Variants in GLIPR1L1 observed in about 807,000 individuals in gnomAD.
The protein encoded by GLIPR1L1 is GLIPR1 like 1.
A neutral mutation model predicts 29.9 loss-of-function variants in GLIPR1L1; 26 were observed. The ratio of observed to expected loss-of-function variants is 0.87; its 90% CI spans 0.64 to 1.21. The LOEUF is 1.21. Ranked by LOEUF, GLIPR1L1 falls within the 50% of genes most tolerant of loss-of-function variation. The pLI is 0.00. For missense variants in GLIPR1L1, 305 were observed against 290.3 expected, an observed-to-expected ratio of 1.05 and a Z score of -0.37; for synonymous variants, 77 against 97.5, an observed-to-expected ratio of 0.79 and a Z score of 1.24.
At chr12:75,357,431 T>C (rs2043224601) in intron 3 of GLIPR1L1, among the ~76,000 whole-genome samples, 1 of 152,148 alleles carries the variant, frequency 6.6e-6, no homozygotes, top group Non-Finnish European at 1.5e-5. Flanking sequence ...GTATTTCAAT[T>C]ATCCCATTTG....
intron 3 of GLIPR1L1, among the ~76,000 whole-genome samples, chr12:75,354,166 A>AGGGC (rs2042992866): frequency 8.1e-6 from 1 of 122,834 alleles, no homozygotes; most frequent in African/African-American, 3.3e-5. Flanking sequence ...GAGAAAAAAA[A>AGGGC]GGGGGGGGGG....
chr12:75,334,906 A>G lies in GLIPR1L1; in HGVS notation c.174+4A>G, dbSNP rs1361969824. 1.9e-6 allele frequency: 3 copies of G among 1,612,814 alleles called. No individual in the cohort carries two copies. Among genetic ancestry groups the G allele is most frequent in the Admixed American group, 3.3e-5 (2 of 59,984 alleles). On this transcript the variant is annotated splice_donor_region_variant and intron_variant, in intron 1 of 5. Transcript: ENST00000378695. ...CGCGGCCGACATGAAATACATGGTG[A>G]GAAAGAACCAGGGCTGGGCTCTTAA... is the stretch of plus-strand genomic sequence containing the variant.
At chr12:75,356,504 T>C (rs1378663871) in intron 3 of GLIPR1L1, among the ~76,000 whole-genome samples, 1 of 152,162 alleles carries the variant, frequency 6.6e-6, no homozygotes, top group Non-Finnish European at 1.5e-5. Flanking sequence ...AGATGCACAC[T>C]ATAAATTCTA....
At chr12:75,368,382 T>C (rs2044131331) in intron 4 of GLIPR1L1, among the ~76,000 whole-genome samples, 1 of 151,914 alleles carries the variant, frequency 6.6e-6, no homozygotes, top group African/African-American at 2.4e-5. Flanking sequence ...CTGCATCTCT[T>C]GAACTAATGC....
rs550510080 is a variant in GLIPR1L1 at position 75,358,520 on chromosome 12, T to A, written c.522-4582T>A. Among the ~76,000 whole-genome samples, 43 of 151,070 alleles carry A rather than the reference T, an allele frequency of 2.8e-4. 1 individual carries two copies. Among genetic ancestry groups the A allele is most frequent in the Non-Finnish European group, 5.9e-4 (40 of 67,612 alleles). ...AACATTCATTCCTGATGAAGGCTCC[T>A]AACAAGCTAAAAATAGAAGGGAATG... On this transcript the variant is annotated intron_variant, in intron 3 of 5. Coordinates refer to ENST00000378695, the MANE Select transcript of GLIPR1L1 (RefSeq NM_001304964.2).
chr12:75,370,114 G>A lies in GLIPR1L1; in HGVS notation c.667G>A (p.Ala223Thr). 6.2e-7 allele frequency: 1 copy of A among 1,607,138 alleles called. No homozygotes were observed. The highest frequency in any genetic ancestry group is 8.5e-7 in the Non-Finnish European group (1 of 1,175,804). ...TCCATTTCTGAAGCCAACGGGGAGA[G>A]CACCTCAGCAGACAGCCTTTAATCC... ...QNPFLKPTGR[A>T]PQQTAFNPFS... Residue 223 changes from alanine (A) to threonine (T), a missense_variant, in exon 6 of 6, where the codon GCA (alanine) becomes ACA (threonine). By Grantham distance (58) the Ala-to-Thr change is moderately conservative. Transcript: ENST00000378695.
intron 2 of GLIPR1L1, 117 bp downstream of exon 2, chr12:75,344,055 T>G (rs2042292525): frequency 1.3e-6 from 1 of 796,046 alleles, no homozygotes; most frequent in Admixed American, 3.0e-5. Context: ...CATTTTTTCC[T>G]TTATCATAGG....
chr12:75,335,986 T>C (rs993400762), intron 1 of GLIPR1L1, among the ~76,000 whole-genome samples: 2 of 151,976 alleles, frequency 1.3e-5, no homozygotes, highest in African/African-American at 4.8e-5. Context: ...TTTGTACTCA[T>C]TGACTATTTA....
intron 4 of GLIPR1L1, 52 bp from the exon 5 acceptor site, chr12:75,369,908 T>C: frequency 4.7e-6 from 6 of 1,280,386 alleles, no homozygotes; most frequent in South Asian, 1.7e-5. Context: ...CAAAGAAATA[T>C]GTTTTCTTGT....
Position 75,334,918 on chromosome 12 carries a change from G to C in GLIPR1L1, c.174+16G>C, listed in dbSNP as rs769827041. 5.3e-5 allele frequency: 86 copies of C among 1,609,786 alleles called. 1 individual carries two copies. The South Asian group carries it at 6.5e-4, about 12-fold the overall frequency. Reference sequence around the variant, plus strand: ...GAAATACATGGTGAGAAAGAACCAGGGCTGGGCTCTTAAATCCCTGACTCA... The same window carrying C: ...GAAATACATGGTGAGAAAGAACCAGCGCTGGGCTCTTAAATCCCTGACTCA... On this transcript the variant is annotated intron_variant, in intron 1 of 5. Coordinates refer to ENST00000378695, the MANE Select transcript of GLIPR1L1 (RefSeq NM_001304964.2).
intron 3 of GLIPR1L1, among the ~76,000 whole-genome samples, chr12:75,353,495 A>T (rs1037623453): frequency 2.0e-5 from 3 of 152,236 alleles, no homozygotes; most frequent in Admixed American, 6.5e-5. Context: ...AAATTGAGGC[A>T]GTAATGAACA....
intron 1 of GLIPR1L1, among the ~76,000 whole-genome samples, chr12:75,343,176 G>T (rs1164131872): frequency 6.6e-6 from 1 of 151,902 alleles, no homozygotes; most frequent in Non-Finnish European, 1.5e-5. Context: ...ATAATGAATA[G>T]AAATAACAAG....
intron 1 of GLIPR1L1, among the ~76,000 whole-genome samples, chr12:75,341,597 C>T (rs1221220589): frequency 6.6e-6 from 1 of 151,892 alleles, no homozygotes; most frequent in South Asian, 2.1e-4. Flanking sequence ...CAGGCGCCCG[C>T]CACCACGCCC....
At chr12:75,354,386 C>T (rs1038521352) in intron 3 of GLIPR1L1, among the ~76,000 whole-genome samples, 6 of 151,666 alleles carry the variant, frequency 4.0e-5, no homozygotes, top group African/African-American at 1.5e-4. Flanking sequence ...TTCACAATTG[C>T]TAGAAAGAGA....
chr12:75,334,787 C>G lies in GLIPR1L1; in HGVS notation c.59C>G (p.Thr20Ser), dbSNP rs775364759. 5.0e-6 allele frequency: 8 copies of G among 1,614,094 alleles called. 1 individual carries two copies. The South Asian group carries it at 7.7e-5, about 16-fold the overall frequency. ...ATCTTGGGTCTGTGTTTGGTAGCCA[C>G]TACATCTTCCAAAATCCCATCCATC... is the stretch of plus-strand genomic sequence containing the variant. ...LWILGLCLVA[T>S]TSSKIPSITD... is the part of the protein sequence containing the mutation. The change falls in exon 1 of 6, where the codon ACT (threonine) becomes AGT (serine). Residue 20 changes from threonine (T) to serine (S), a missense_variant. Transcript: ENST00000378695.
At chr12:75,337,120 T>G (rs1036144793) in intron 1 of GLIPR1L1, among the ~76,000 whole-genome samples, 1 of 151,838 alleles carries the variant, frequency 6.6e-6, no homozygotes, top group Non-Finnish European at 1.5e-5. Context: ...TTTGGAAGCA[T>G]ACGTATAGAT....
chr12:75,340,889 C>T (rs2042057915), intron 1 of GLIPR1L1, among the ~76,000 whole-genome samples: 1 of 151,954 alleles, frequency 6.6e-6, no homozygotes, highest in African/African-American at 2.4e-5. Flanking sequence ...TATCACGACA[C>T]ACCAATTAGG....
chr12:75,354,261 C>G (rs58862232), intron 3 of GLIPR1L1, among the ~76,000 whole-genome samples: 5,824 of 151,968 alleles, frequency 0.038, 127 homozygotes, highest in East Asian at 0.052. Context: ...ACCCCATTAT[C>G]TCAACCCAAA....
intron 3 of GLIPR1L1, chr12:75,360,003 G>C (rs1379095781): frequency 6.6e-6 from 1 of 152,202 alleles, no homozygotes; most frequent in African/African-American, 2.4e-5. Flanking sequence ...AGTGCAGCAA[G>C]AGAAAGAAAA....
Sources: gnomAD v4.1 joint callset for allele counts (sites outside exome capture counted in the v4.1 genomes callset) on GRCh38, gnomAD v4.1.1 for gene constraint, MANE v1.5 for transcripts, NCBI Gene and HGNC (gene_info 2026-07-23, HGNC 2026-07-21) for gene names.